KIAA0319L: variants seen among roughly 807,000 people sequenced by gnomAD.
The protein encoded by KIAA0319L is dyslexia-associated protein KIAA0319-like protein.
KIAA0319L carries 55 observed loss-of-function variants against 120.1 expected under a neutral mutation model. That is an observed-to-expected ratio of 0.46 (90% confidence interval 0.37 to 0.57). KIAA0319L has a LOEUF of 0.57. Among genes scored for constraint, KIAA0319L ranks in the 20% least tolerant of loss-of-function variants. The probability of loss-of-function intolerance (pLI) is 0.00; values close to 1 mark genes in which losing one functional copy is unlikely to be tolerated. For missense variants in KIAA0319L, 1,049 were observed against 1,255.3 expected (o/e 0.84, Z 2.48); for synonymous variants, 398 against 471.9 (o/e 0.84, Z 2.03).
intron 2 of KIAA0319L, among the ~76,000 whole-genome samples, chr1:35,531,760 A>G (rs1646378990): frequency 6.6e-6 from 1 of 152,134 alleles, no homozygotes; most frequent in African/African-American, 2.4e-5. Flanking sequence ...TCAGTGCCTC[A>G]TGTGTTTTCT....
At chr1:35,537,781 CTG>C (rs1305974985) in intron 2 of KIAA0319L, among the ~76,000 whole-genome samples, 2 of 152,038 alleles carry the variant, frequency 1.3e-5, no homozygotes, top group Non-Finnish European at 2.9e-5. Context: ...GAAAGCAAAA[CTG>C]TGTGAGTAGT....
intron 9 of KIAA0319L, 62 bp from the exon 10 acceptor site, chr1:35,456,303 AG>A (rs1430800683): frequency 9.1e-7 from 1 of 1,101,176 alleles, no homozygotes; most frequent in Non-Finnish European, 1.3e-6. Flanking sequence ...AATAAACACT[AG>A]AAGACTGAAA....
At chr1:35,469,938 A>G (rs1468841245) in intron 6 of KIAA0319L, among the ~76,000 whole-genome samples, 1 of 151,950 alleles carries the variant, frequency 6.6e-6, no homozygotes, top group Admixed American at 6.6e-5. Flanking sequence ...GTATGATCAT[A>G]GCTCACTGCA....
intron 16 of KIAA0319L, among the ~76,000 whole-genome samples, 154 bp from the exon 17 acceptor site, chr1:35,444,457 G>C (rs1210807198): frequency 6.6e-6 from 1 of 152,152 alleles, no homozygotes; most frequent in East Asian, 1.9e-4. Context: ...TGTTATCAGG[G>C]TCATCTCCAT....
intron 2 of KIAA0319L, among the ~76,000 whole-genome samples, chr1:35,535,708 C>T (rs1044265716): frequency 2.0e-5 from 3 of 152,194 alleles, no homozygotes; most frequent in Admixed American, 6.5e-5. Context: ...CATTTTAGCT[C>T]GGCCACCACT....
intron 8 of KIAA0319L, among the ~76,000 whole-genome samples, chr1:35,461,640 G>A (rs1280031850): frequency 6.6e-6 from 1 of 152,110 alleles, no homozygotes; most frequent in Non-Finnish European, 1.5e-5. Flanking sequence ...TTGACTGTCT[G>A]GAGGAAAACC....
intron 17 of KIAA0319L, among the ~76,000 whole-genome samples, chr1:35,443,673 A>AAAATAAAT (rs750954696): frequency 0.016 from 2,435 of 151,100 alleles, 72 homozygotes; most frequent in African/African-American, 0.055. Flanking sequence ...ACTCTATCTC[A>AAAATAAAT]AAATAAATAA....
intron 8 of KIAA0319L, among the ~76,000 whole-genome samples, chr1:35,461,927 C>T (rs148691053): frequency 1.1e-3 from 164 of 152,186 alleles, no homozygotes; most frequent in African/African-American, 3.9e-3. Context: ...CAAAAACCAT[C>T]GCTGGTGCCA....
At chr1:35,491,628 T>TA (rs1188431381) in intron 3 of KIAA0319L, among the ~76,000 whole-genome samples, 2 of 151,960 alleles carry the variant, frequency 1.3e-5, no homozygotes, top group Non-Finnish European at 1.5e-5. Flanking sequence ...TGTAATATTT[T>TA]AAAAAAAGGA....
rs1438554182 is a variant in KIAA0319L, at chr1:35,486,754, A to AAAAAAAC, written c.667-7543_667-7542insGTTTTTT. ...CATTTCTACAAAAAAAAAAAAAAAA[A>AAAAAAAC]ATTATAATTAGCTGGGAGTGGTGGC... is the stretch of plus-strand genomic sequence containing the variant. On this transcript the variant is annotated intron_variant, in intron 3 of 20. Coordinates refer to ENST00000325722, the MANE Select transcript of KIAA0319L (RefSeq NM_024874.5). Among the ~76,000 whole-genome samples, 161 of 151,268 alleles carry AAAAAAAC rather than the reference A, an allele frequency of 1.1e-3. 4 individuals are homozygous for AAAAAAAC. Among genetic ancestry groups the AAAAAAAC allele is most frequent in the African/African-American group, 3.3e-3 (136 of 41,038 alleles).
chr1:35,440,610 A>G (rs896693114), intron 20 of KIAA0319L: 5 of 166,474 alleles, frequency 3.0e-5, no homozygotes, highest in Admixed American at 5.9e-5. Flanking sequence ...GCCAAATGAT[A>G]AAGATAGGAA....
At chr1:35,528,889 A>C (rs897596842) in intron 2 of KIAA0319L, among the ~76,000 whole-genome samples, 1 of 152,164 alleles carries the variant, frequency 6.6e-6, no homozygotes, top group Non-Finnish European at 1.5e-5. Context: ...TTTGACTTAA[A>C]GTCTGTTTTA....
chr1:35,442,435 A>T (rs1316737344), intron 18 of KIAA0319L, 99 bp from the exon 19 acceptor site: 1 of 873,730 alleles, frequency 1.1e-6, no homozygotes, highest in African/African-American at 1.7e-5. Flanking sequence ...CACTCTGGAG[A>T]CAAGAATGCC....
intron 2 of KIAA0319L, among the ~76,000 whole-genome samples, chr1:35,551,102 A>C: frequency 6.6e-6 from 1 of 152,186 alleles, no homozygotes; most frequent in South Asian, 2.1e-4. Context: ...TATTTATGCC[A>C]AGAAGTTCTC....
intron 10 of KIAA0319L, among the ~76,000 whole-genome samples, chr1:35,455,742 G>A (rs930937408): frequency 1.4e-4 from 22 of 151,854 alleles, no homozygotes; most frequent in African/African-American, 2.7e-4. Context: ...CACTACGCCC[G>A]GCTAATTTTT....
At chr1:35,533,923 C>T (rs992922914) in intron 2 of KIAA0319L, among the ~76,000 whole-genome samples, 38 of 152,222 alleles carry the variant, frequency 2.5e-4, no homozygotes, top group African/African-American at 8.7e-4. Flanking sequence ...CCTTACTCTC[C>T]ACATCAGTTC....
At chr1:35,473,757 C>A (rs886953728) in intron 5 of KIAA0319L, among the ~76,000 whole-genome samples, 1 of 152,166 alleles carries the variant, frequency 6.6e-6, no homozygotes, top group African/African-American at 2.4e-5. Flanking sequence ...GGTATTAGGC[C>A]TAGAAATTAA....
At chr1:35,494,694 C>CAGGA (rs1644733495) in intron 3 of KIAA0319L, among the ~76,000 whole-genome samples, 1 of 151,722 alleles carries the variant, frequency 6.6e-6, no homozygotes, top group Non-Finnish European at 1.5e-5. Context: ...GCCTATAGTC[C>CAGGA]TAGCTACTTG....
chr1:35,536,163 G>A (rs1646565207), intron 2 of KIAA0319L, among the ~76,000 whole-genome samples: 1 of 152,152 alleles, frequency 6.6e-6, no homozygotes, highest in Non-Finnish European at 1.5e-5. Flanking sequence ...AATTAAATTG[G>A]GGAGTGCACT....
Sources: allele counts gnomAD v4.1 joint callset (sites outside exome capture counted in the v4.1 genomes callset), GRCh38; gene constraint gnomAD v4.1.1; transcripts MANE v1.5; gene names NCBI Gene and HGNC (gene_info 2026-07-23, HGNC 2026-07-21).